The following ARID1B variants were observed in gnomAD, a reference collection of about 807,000 sequenced individuals.
The protein encoded by ARID1B is AT-rich interactive domain-containing protein 1B.
A neutral mutation model predicts 212.3 loss-of-function variants in ARID1B; 30 were observed. The observed-to-expected ratio is 0.14, with a 90% confidence interval of 0.11 to 0.19. The LOEUF (loss-of-function observed/expected upper bound fraction) is 0.19, where lower values mean the gene tolerates loss of function less well. ARID1B is among the 10% of genes least tolerant of loss of function. The pLI, the probability that ARID1B is intolerant of heterozygous loss-of-function variation, is 1.00. For missense variants in ARID1B, 2,891 were observed against 3,204.0 expected, an observed-to-expected ratio of 0.90 and a Z score of 2.36; for synonymous variants, 1,402 against 1,301.7, an observed-to-expected ratio of 1.08 and a Z score of -1.66.
intron 5 of ARID1B, among the ~76,000 whole-genome samples, chr6:157,109,717 C>A (rs1786761640): frequency 6.6e-6 from 1 of 152,118 alleles, no homozygotes; most frequent in Non-Finnish European, 1.5e-5. Flanking sequence ...TAAGAAGTAT[C>A]TTCCTTTAAA....
chr6:156,975,678 T>C (rs1031436987), intron 4 of ARID1B, among the ~76,000 whole-genome samples: 1 of 151,600 alleles, frequency 6.6e-6, no homozygotes, highest in African/African-American at 2.4e-5. Flanking sequence ...TTCATTGTTT[T>C]GGCAAGAAGT....
intron 4 of ARID1B, among the ~76,000 whole-genome samples, chr6:157,061,881 T>C (rs1783364090): frequency 1.3e-5 from 2 of 152,172 alleles, no homozygotes; most frequent in South Asian, 2.1e-4. Context: ...TAAACTGAAA[T>C]GTCTGTGCCA....
chr6:157,162,336 T>C (rs1302753504), intron 8 of ARID1B, among the ~76,000 whole-genome samples: 1 of 152,274 alleles, frequency 6.6e-6, no homozygotes, highest in Non-Finnish European at 1.5e-5. Context: ...TATTCCTCTT[T>C]CTGTTTTCAC....
chr6:157,146,581 T>A (rs573245999), intron 7 of ARID1B, among the ~76,000 whole-genome samples: 1 of 152,334 alleles, frequency 6.6e-6, no homozygotes, highest in South Asian at 2.1e-4. Flanking sequence ...TTTTATCCTT[T>A]TTCTTGTTTT....
chr6:156,829,273 G>A lies in ARID1B; in HGVS notation c.1838G>A (p.Gly613Asp), dbSNP rs750214622. 6.2e-7 allele frequency: 1 copy of A among 1,614,186 alleles called. No individual in the cohort carries two copies. Among genetic ancestry groups the A allele is most frequent in the Admixed American group, 1.7e-5 (1 of 60,026 alleles). Residue 613 changes from glycine to aspartate, a missense_variant, in exon 2 of 20, where the codon GGC (glycine) becomes GAC (aspartate). Around this residue, in one of 7 missense-constraint regions of ARID1B, gnomAD observed 1,643 missense variants for 1,544.0 expected, o/e 1.06. Coordinates refer to ENST00000636930, the MANE Select transcript of ARID1B (RefSeq NM_001374828.1). ...PMVMKRPQLY[G>D]MGSNPHSQPQ... ...GTGATGAAGAGACCTCAGTTGTATG[G>A]CATGGGCAGTAACCCTCATTCTCAG...
At chr6:157,024,383 C>A (rs1307508140) in intron 4 of ARID1B, 1 of 152,208 alleles carries the variant, frequency 6.6e-6, no homozygotes, top group African/African-American at 2.4e-5. Flanking sequence ...TTTGTATGAA[C>A]AAAATTGAGT....
At chr6:156,921,187 G>A (rs1790756542) in intron 3 of ARID1B, among the ~76,000 whole-genome samples, 1 of 151,964 alleles carries the variant, frequency 6.6e-6, no homozygotes, top group Non-Finnish European at 1.5e-5. Context: ...TTGGAAAGTT[G>A]GAGGTGTTCA....
At chr6:157,009,559 G>A (rs868596495) in intron 4 of ARID1B, among the ~76,000 whole-genome samples, 2 of 152,048 alleles carry the variant, frequency 1.3e-5, no homozygotes, top group Non-Finnish European at 2.9e-5. Flanking sequence ...AGTATTTATT[G>A]TATGTTACTA....
chr6:156,920,930 C>A (rs1440660738), intron 3 of ARID1B, among the ~76,000 whole-genome samples: 1 of 151,888 alleles, frequency 6.6e-6, no homozygotes, highest in Non-Finnish European at 1.5e-5. Flanking sequence ...TCTCAGCTCA[C>A]CACAACCTCC....
intron 1 of ARID1B, among the ~76,000 whole-genome samples, chr6:156,795,280 G>A (rs774953869): frequency 2.0e-5 from 3 of 152,102 alleles, no homozygotes; most frequent in Admixed American, 6.5e-5. Context: ...TCTCAGATTC[G>A]CTGGGGTTTA....
chr6:157,040,558 A>G (rs958264964), intron 4 of ARID1B, among the ~76,000 whole-genome samples: 1 of 152,226 alleles, frequency 6.6e-6, no homozygotes, highest in East Asian at 1.9e-4. Flanking sequence ...CAAGCTTAAT[A>G]TTGACTTAGC....
chr6:156,846,640 C>T (rs1784254079), intron 2 of ARID1B, among the ~76,000 whole-genome samples: 1 of 152,186 alleles, frequency 6.6e-6, no homozygotes, highest in Non-Finnish European at 1.5e-5. Context: ...CAGTAACTAA[C>T]TCATCGTTGA....
chr6:156,953,480 G>C (rs934639756), intron 4 of ARID1B, among the ~76,000 whole-genome samples: 1 of 152,164 alleles, frequency 6.6e-6, no homozygotes, highest in African/African-American at 2.4e-5. Context: ...AGGAAGGCTA[G>C]AACTCTGTAC....
chr6:157,103,311 T>C (rs1786213730), intron 5 of ARID1B, among the ~76,000 whole-genome samples: 1 of 152,144 alleles, frequency 6.6e-6, no homozygotes, highest in South Asian at 2.1e-4. Context: ...AGATATAATA[T>C]AGCGGGGAAC....
chr6:156,952,831 C>G (rs1219311239), intron 4 of ARID1B, among the ~76,000 whole-genome samples: 1 of 152,210 alleles, frequency 6.6e-6, no homozygotes, highest in Non-Finnish European at 1.5e-5. Flanking sequence ...GTAAAACTTA[C>G]ATCTGTGTGT....
intron 2 of ARID1B, among the ~76,000 whole-genome samples, chr6:156,891,258 C>T (rs1026600578): frequency 3.3e-5 from 5 of 152,184 alleles, no homozygotes; most frequent in African/African-American, 4.8e-5. Context: ...GGATTTGCCA[C>T]ATGTGAATGG....
In ARID1B at chr6:157,045,172, A is replaced by G. The variant is rs149658219; in HGVS notation, c.2248-39490A>G. ...AAGTTTCATTAGATTTTGAGAATAG[A>G]AAAGTTTTAAACAGGGTCATGAAAT... On this transcript the variant is annotated intron_variant, in intron 4 of 19. Transcript: ENST00000636930. Among the ~76,000 whole-genome samples the G allele has an allele frequency of 2.2e-3, 340 of 152,300 alleles. 3 individuals are homozygous for G. The highest frequency in any genetic ancestry group is 6.0e-3 in the African/African-American group (250 of 41,568).
chr6:156,990,618 C>T (rs745913379), intron 4 of ARID1B, among the ~76,000 whole-genome samples: 7 of 152,018 alleles, frequency 4.6e-5, no homozygotes, highest in East Asian at 1.9e-4. Flanking sequence ...TCCAGCCTGG[C>T]GACAGAGCAA....
intron 7 of ARID1B, among the ~76,000 whole-genome samples, chr6:157,136,688 A>G (rs1415637119): frequency 6.9e-6 from 1 of 144,684 alleles, no homozygotes; most frequent in Admixed American, 6.9e-5. Flanking sequence ...ATGGTGAAAC[A>G]CTGCCTCTAC....
Sources: allele counts gnomAD v4.1 joint callset (sites outside exome capture counted in the v4.1 genomes callset), GRCh38; gene constraint gnomAD v4.1.1; regional missense constraint gnomAD v4.1.1; transcripts MANE v1.5; gene names NCBI Gene and HGNC (gene_info 2026-07-23, HGNC 2026-07-21).